Variants in PAK2 observed in about 807,000 individuals in gnomAD.
The protein encoded by PAK2 is p21 (RAC1) activated kinase 2.
PAK2 carries 21 observed loss-of-function variants against 65.9 expected under a neutral mutation model. The observed-to-expected ratio is 0.32, with a 90% confidence interval of 0.23 to 0.46. The LOEUF is 0.46. Ranked by LOEUF, PAK2 falls within the 20% of genes least tolerant of loss-of-function variation. PAK2 has a pLI of 1.00. For missense variants in PAK2, 324 were observed against 642.6 expected (o/e 0.50, Z 5.36); for synonymous variants, 204 against 219.7 (o/e 0.93, Z 0.63).
At chr3:196,809,460 C>T (rs1330349457) in intron 7 of PAK2, among the ~76,000 whole-genome samples, 1 of 145,190 alleles carries the variant, frequency 6.9e-6, no homozygotes, top group South Asian at 2.2e-4. Flanking sequence ...TCTTCTGCCT[C>T]AGCCTCCCGA....
intron 13 of PAK2, among the ~76,000 whole-genome samples, chr3:196,825,759 T>C (rs1446404633): frequency 6.6e-6 from 1 of 152,230 alleles, no homozygotes; most frequent in East Asian, 1.9e-4. Context: ...GAAACATTCA[T>C]ATAAGGCAAT....
chr3:196,814,384 C>A, intron 10 of PAK2, 67 bp from the exon 11 acceptor site: 1 of 664,052 alleles, frequency 1.5e-6, no homozygotes. Flanking sequence ...TTGAATTCTT[C>A]AACATAGAAT....
intron 11 of PAK2, among the ~76,000 whole-genome samples, chr3:196,815,680 G>A (rs545258550): frequency 2.1e-4 from 32 of 151,900 alleles, no homozygotes; most frequent in Middle Eastern, 3.4e-3. Context: ...TCAGCTACTC[G>A]GGAGGCTGAG....
chr3:196,828,223 G>T, intron 14 of PAK2, 96 bp from the exon 15 acceptor site: 1 of 707,076 alleles, frequency 1.4e-6, no homozygotes, highest in South Asian at 1.7e-5. Flanking sequence ...AATTATGATC[G>T]ACAAGTAGTC....
At chr3:196,781,856 C>T (rs1714724743) in intron 1 of PAK2, among the ~76,000 whole-genome samples, 1 of 152,174 alleles carries the variant, frequency 6.6e-6, no homozygotes, top group Non-Finnish European at 1.5e-5. Flanking sequence ...ATAATCCCAG[C>T]ACTGTGGGAG....
chr3:196,749,670 A>G (rs1713504006), intron 1 of PAK2, among the ~76,000 whole-genome samples: 1 of 152,170 alleles, frequency 6.6e-6, no homozygotes. Flanking sequence ...ATTTTGTAAG[A>G]AACTGTTCAA....
intron 6 of PAK2, 90 bp downstream of exon 6, chr3:196,806,776 T>TA: frequency 1.3e-6 from 1 of 779,646 alleles, no homozygotes; most frequent in Non-Finnish European, 2.2e-6. Context: ...TGATTGCTTT[T>TA]AAAAAGCCCT....
At chr3:196,798,542 C>T (rs948478757) in intron 2 of PAK2, among the ~76,000 whole-genome samples, 5 of 152,000 alleles carry the variant, frequency 3.3e-5, no homozygotes, top group Admixed American at 6.6e-5. Context: ...CGAGACTTCA[C>T]CATGTTGGCC....
intron 10 of PAK2, among the ~76,000 whole-genome samples, chr3:196,813,386 A>G (rs1715888332): frequency 6.7e-6 from 1 of 149,828 alleles, no homozygotes; most frequent in African/African-American, 2.5e-5. Flanking sequence ...TGAACCCAGG[A>G]GGTGGAGGTT....
At chr3:196,818,881 T>A (rs1427123928) in intron 12 of PAK2, among the ~76,000 whole-genome samples, 1 of 152,172 alleles carries the variant, frequency 6.6e-6, no homozygotes, top group Non-Finnish European at 1.5e-5. Context: ...CTCATAGGGT[T>A]ACCATGCGGA....
At chr3:196,811,554 C>T (rs1415016770) in intron 8 of PAK2, among the ~76,000 whole-genome samples, 2 of 150,474 alleles carry the variant, frequency 1.3e-5, no homozygotes, top group Non-Finnish European at 3.0e-5. Context: ...GCCTGAATTT[C>T]TTCCTAACAG....
intron 2 of PAK2, among the ~76,000 whole-genome samples, chr3:196,795,379 G>A (rs1362240568): frequency 6.6e-6 from 1 of 152,072 alleles, no homozygotes; most frequent in Non-Finnish European, 1.5e-5. Context: ...GAGGCAGGAG[G>A]ATTGCTTGAG....
chr3:196,807,701 C>A, intron 6 of PAK2, 81 bp from the exon 7 acceptor site: 2 of 783,648 alleles, frequency 2.6e-6, no homozygotes, highest in South Asian at 1.8e-5. Context: ...GGTTAAAAAT[C>A]AAAGAACTGA....
intron 4 of PAK2, among the ~76,000 whole-genome samples, chr3:196,804,842 TATACAC>T (rs1560110428): frequency 1.4e-5 from 2 of 145,522 alleles, no homozygotes; most frequent in South Asian, 2.2e-4. Context: ...TATATATATA[TATACAC>T]ACACACATAT....
intron 7 of PAK2, among the ~76,000 whole-genome samples, chr3:196,808,338 G>T (rs141913099): frequency 6.6e-6 from 1 of 150,640 alleles, no homozygotes; most frequent in Admixed American, 6.6e-5. Flanking sequence ...CGAGGTGGGC[G>T]GATCACAAGG....
At chr3:196,759,545 A>G (rs1461763608) in intron 1 of PAK2, among the ~76,000 whole-genome samples, 1 of 87,788 alleles carries the variant, frequency 1.1e-5, no homozygotes, top group Non-Finnish European at 2.1e-5. Flanking sequence ...TTTGAGATAG[A>G]GTCTTGCTCT....
intron 2 of PAK2, among the ~76,000 whole-genome samples, chr3:196,800,957 G>A (rs1434920823): frequency 6.6e-6 from 1 of 152,106 alleles, no homozygotes; most frequent in Non-Finnish European, 1.5e-5. Context: ...AGAGCAGGAG[G>A]AGCTGAGAGG....
At chr3:196,827,518 C>G in intron 14 of PAK2, 185 bp downstream of exon 14, 1 of 767,726 alleles carries the variant, frequency 1.3e-6, no homozygotes, top group Non-Finnish European at 1.6e-6. Flanking sequence ...AAACCAAACA[C>G]TGCATGTTCC....
chr3:196,754,172 C>T (rs2108713558), intron 1 of PAK2, among the ~76,000 whole-genome samples: 1 of 152,202 alleles, frequency 6.6e-6, no homozygotes, highest in Non-Finnish European at 1.5e-5. Flanking sequence ...CCATATACTC[C>T]TGTTTTGTGT....
Sources: allele counts gnomAD v4.1 joint callset (sites outside exome capture counted in the v4.1 genomes callset), GRCh38; gene constraint gnomAD v4.1.1; transcripts MANE v1.5; gene names NCBI Gene and HGNC (gene_info 2026-07-23, HGNC 2026-07-21).